RAP1GAP2: variants seen among roughly 807,000 people sequenced by gnomAD.
The protein encoded by RAP1GAP2 is rap1 GTPase-activating protein 2.
RAP1GAP2 carries 27 observed loss-of-function variants against 95.0 expected under a neutral mutation model. The ratio of observed to expected loss-of-function variants is 0.28; its 90% CI spans 0.21 to 0.39. The LOEUF (loss-of-function observed/expected upper bound fraction) is 0.39, where lower values mean the gene tolerates loss of function less well. Among genes scored for constraint, RAP1GAP2 ranks in the 10% least tolerant of loss-of-function variants. RAP1GAP2 has a pLI of 1.00. For synonymous variants in RAP1GAP2, 373 were observed against 380.9 expected (o/e 0.98, Z 0.24); for missense variants, 771 against 970.0 (o/e 0.79, Z 2.72).
intron 3 of RAP1GAP2, among the ~76,000 whole-genome samples, chr17:2,944,178 A>T (rs1021217038): frequency 6.6e-6 from 1 of 151,722 alleles, no homozygotes; most frequent in African/African-American, 2.4e-5. Flanking sequence ...AAAAAAAAAA[A>T]AAAAACCAAA....
intron 14 of RAP1GAP2, among the ~76,000 whole-genome samples, chr17:3,002,570 C>A (rs911404023): frequency 3.3e-5 from 5 of 152,210 alleles, no homozygotes; most frequent in African/African-American, 1.2e-4. Context: ...CTTAGCTGGC[C>A]CCTGCAGGCT....
At chr17:2,793,679 G>A (rs2068989798), upstream of RAP1GAP2, among the ~76,000 whole-genome samples, 1 of 152,236 alleles carries the variant, frequency 6.6e-6, no homozygotes, top group Non-Finnish European at 1.5e-5. Flanking sequence ...TATTAATGGA[G>A]AATGAAAGAA....
In RAP1GAP2 at chr17:3,027,155, G is replaced by A. The variant is rs1019794935; in HGVS notation, c.2107+85G>A. The A allele has an allele frequency of 2.7e-6, 4 of 1,456,722 alleles. No homozygotes were observed. The African/African-American group carries it at 4.2e-5, about 15-fold the overall frequency. 90.2% of individuals were successfully genotyped at this position (1,456,722 alleles called of 1,614,324 possible). A position where few individuals can be genotyped will look rare whatever the true frequency, so the allele number is the denominator to read the frequency against. ...CTGTTAGCAGGGCCCCAGCCACGCT[G>A]AACTGGCCAGTTTTCACCCCTCCTC... is the stretch of plus-strand genomic sequence containing the variant. On this transcript the variant is annotated intron_variant, in intron 22 of 24. Transcript: ENST00000254695. This position sits in a 1 kb window ranked among gnomAD's most constrained non-coding sequence, Gnocchi z 5.2.
intron 2 of RAP1GAP2, among the ~76,000 whole-genome samples, chr17:2,864,379 A>G (rs1396185352): frequency 6.6e-6 from 1 of 152,164 alleles, no homozygotes; most frequent in Non-Finnish European, 1.5e-5. Context: ...TGGAGCTGAT[A>G]TTTTAGAATT....
At chr17:2,767,833 C>A (rs926343846) in intron 1 of RAP1GAP2, among the ~76,000 whole-genome samples, 1 of 151,502 alleles carries the variant, frequency 6.6e-6, no homozygotes, top group Non-Finnish European at 1.5e-5. Flanking sequence ...CCCAGGTTCA[C>A]GCTATTCTCC....
Position 3,032,393 on chromosome 17 carries a change from G to A in RAP1GAP2, c.2185-18G>A. On this transcript the variant is annotated intron_variant, in intron 23 of 24. Transcript: ENST00000254695. Reference sequence around the variant, plus strand: ...TGTCTGGTTATTTAAACTCCTGTATGGATTTTTGTTGAAACAGGGTCACTA... The same window carrying A: ...TGTCTGGTTATTTAAACTCCTGTATAGATTTTTGTTGAAACAGGGTCACTA... 1 of 1,613,906 alleles carries A rather than the reference G, an allele frequency of 6.2e-7. No homozygotes were observed. The highest frequency in any genetic ancestry group is 8.5e-7 in the Non-Finnish European group (1 of 1,179,794).
At chr17:2,771,138 G>C (rs2068383583) in intron 2 of RAP1GAP2, among the ~76,000 whole-genome samples, 1 of 152,160 alleles carries the variant, frequency 6.6e-6, no homozygotes, top group Admixed American at 6.6e-5. Flanking sequence ...GGAGATCCCT[G>C]GTTCCTTCCT....
At chr17:2,950,309 C>T (rs2043872618) in intron 3 of RAP1GAP2, among the ~76,000 whole-genome samples, 1 of 152,148 alleles carries the variant, frequency 6.6e-6, no homozygotes, top group Non-Finnish European at 1.5e-5. Flanking sequence ...ACCTCGGCCT[C>T]CCAAAATGTT....
chr17:2,838,752 C>T (rs1249582488), intron 2 of RAP1GAP2, among the ~76,000 whole-genome samples: 2 of 152,046 alleles, frequency 1.3e-5, no homozygotes, highest in East Asian at 3.9e-4. Flanking sequence ...AACTGATCCC[C>T]GGAGAGAAAG....
In RAP1GAP2 at chr17:2,927,354, C is replaced by T. The variant is rs111949561; in HGVS notation, c.165+21986C>T. ...ATTTTTAGTAGAGACGGGGTTTCAC[C>T]GTGTTAGCCAGGATGGTCTCGATCT... On this transcript the variant is annotated intron_variant, in intron 3 of 24. Coordinates refer to ENST00000254695, the MANE Select transcript of RAP1GAP2 (RefSeq NM_015085.5). Among the ~76,000 whole-genome samples the T allele has an allele frequency of 8.1e-3, 1,238 of 152,140 alleles. 6 individuals are homozygous for T. The highest frequency in any genetic ancestry group is 0.012 in the African/African-American group (501 of 41,540).
intron 2 of RAP1GAP2, among the ~76,000 whole-genome samples, chr17:2,830,575 G>A (rs559922129): frequency 1.8e-4 from 27 of 152,028 alleles, no homozygotes; most frequent in African/African-American, 5.8e-4. Context: ...TTAGCTGGGC[G>A]TGGTGGCGGG....
intron 1 of RAP1GAP2, among the ~76,000 whole-genome samples, chr17:2,788,834 C>A (rs1400737459): frequency 6.6e-6 from 1 of 152,176 alleles, no homozygotes; most frequent in Non-Finnish European, 1.5e-5. Flanking sequence ...TTGGTTGATG[C>A]CGGCCCACAT....
chr17:2,943,011 T>C (rs766539851), intron 3 of RAP1GAP2, among the ~76,000 whole-genome samples: 65 of 152,166 alleles, frequency 4.3e-4, no homozygotes, highest in Non-Finnish European at 7.9e-4. Flanking sequence ...TCAAGTGATC[T>C]GCCCGCCTTG....
chr17:3,008,035 G>T lies in RAP1GAP2; in HGVS notation c.1384G>T (p.Asp462Tyr). ...LEDRTRAALL[D>Y]NLHDELHAHT... ...GGACCGGACCAGGGCTGCCCTCCTG[G>T]ACAACCTTCACGATGAGCTCCACGC... is the stretch of plus-strand genomic sequence containing the variant. The change falls in exon 17 of 25, where the codon GAC becomes TAC. Residue 462 changes from aspartate to tyrosine, a missense_variant. Physicochemically the swap from Asp to Tyr is radical, Grantham distance 160. Transcript: ENST00000254695. This position sits in a 1 kb window ranked among gnomAD's most constrained non-coding sequence, Gnocchi z 4.2. 11 of 1,613,930 alleles carry T rather than the reference G, an allele frequency of 6.8e-6. No individual in the cohort carries two copies. Among genetic ancestry groups the T allele is most frequent in the Non-Finnish European group, 9.3e-6 (11 of 1,179,852 alleles).
chr17:2,861,155 G>C (rs912386752), intron 2 of RAP1GAP2, among the ~76,000 whole-genome samples: 2 of 151,842 alleles, frequency 1.3e-5, no homozygotes, highest in Non-Finnish European at 2.9e-5. Flanking sequence ...CACTCACATG[G>C]CATCTCTTTC....
intron 4 of RAP1GAP2, among the ~76,000 whole-genome samples, chr17:2,958,695 A>G (rs79936670): frequency 0.015 from 2,354 of 152,112 alleles, 48 homozygotes; most frequent in African/African-American, 0.054. Context: ...TCCAGCCATT[A>G]TGTCATGATG....
rs758282471 is a variant in RAP1GAP2 at position 3,020,472 on chromosome 17, G to A, written c.1633-5G>A. The A allele has an allele frequency of 3.5e-5, 57 of 1,611,854 alleles. No homozygotes were observed. The highest frequency in any genetic ancestry group is 4.3e-5 in the Non-Finnish European group (51 of 1,178,714). On this transcript the variant is annotated splice_region_variant and splice_polypyrimidine_tract_variant and intron_variant, in intron 18 of 24. Transcript: ENST00000254695. The stretch of plus-strand genomic sequence containing the variant: ...GAGCACTCATTTTGGCAATTTCATC[G>A]ACAGCCTCCAGTGGTGGCGGCAACG...
Position 2,781,522 on chromosome 17 carries a change from G to A in RAP1GAP2, c.-14+4244G>A, listed in dbSNP as rs543426343. On this transcript the variant is annotated intron_variant, in intron 1 of 24. Transcript: ENST00000540393. ...GCACACCCCTGTGTGTGCACCGTGT[G>A]AGCACGTCTCTGTGTGAGCACGTCT... is the stretch of plus-strand genomic sequence containing the variant. Among the ~76,000 whole-genome samples the A allele has an allele frequency of 2.0e-5, 3 of 151,982 alleles. No individual in the cohort carries two copies. In the South Asian group the frequency reaches 6.2e-4, roughly 32 times the overall value.
At chr17:2,772,860 T>C (rs1443801884), upstream of RAP1GAP2, among the ~76,000 whole-genome samples, 5 of 145,098 alleles carry the variant, frequency 3.4e-5, no homozygotes, top group Admixed American at 1.4e-4. Flanking sequence ...TCTTTCTTTT[T>C]TTTTTTTTTT....
Sources: allele counts gnomAD v4.1 joint callset (sites outside exome capture counted in the v4.1 genomes callset), GRCh38; gene constraint gnomAD v4.1.1; non-coding constraint Gnocchi (gnomAD v3.1); transcripts MANE v1.5; gene names NCBI Gene and HGNC (gene_info 2026-07-23, HGNC 2026-07-21).